PTPRS: variants seen among roughly 807,000 people sequenced by gnomAD.
PTPRS encodes the protein receptor-type tyrosine-protein phosphatase S.
A neutral mutation model predicts 215.3 loss-of-function variants in PTPRS; 63 were observed. The observed-to-expected ratio is 0.29, with a 90% CI of 0.24 to 0.36. PTPRS has a LOEUF of 0.36. PTPRS is among the 10% of genes least tolerant of loss of function. PTPRS has a pLI of 1.00. For synonymous variants in PTPRS, 1,404 were observed against 1,191.4 expected, an observed-to-expected ratio of 1.18 and a Z score of -3.68; for missense variants, 2,258 against 2,825.8, an observed-to-expected ratio of 0.80 and a Z score of 4.56.
At chr19:5,285,290 T>C (rs1261265707) in intron 2 of PTPRS, among the ~76,000 whole-genome samples, 1 of 152,208 alleles carries the variant, frequency 6.6e-6, no homozygotes, top group African/African-American at 2.4e-5. Flanking sequence ...TCATCCCCTA[T>C]GTCCTCATGG....
At chr19:5,250,639 G>A (rs1415230470) in intron 9 of PTPRS, among the ~76,000 whole-genome samples, 1 of 150,064 alleles carries the variant, frequency 6.7e-6, no homozygotes, top group Non-Finnish European at 1.5e-5. Context: ...CTTGGGCGAG[G>A]GGGTCGGGAG....
At chr19:5,239,606 A>T (rs2043838248) in intron 12 of PTPRS, among the ~76,000 whole-genome samples, 1 of 151,676 alleles carries the variant, frequency 6.6e-6, no homozygotes. Context: ...AAACACAGAG[A>T]AACAGGGGAG....
chr19:5,338,032 T>C lies in PTPRS; in HGVS notation c.-95+2632A>G, dbSNP rs907021052. 1.3e-5 allele frequency among the ~76,000 whole-genome samples: 2 copies of C among 152,098 alleles called. No individual in the cohort carries two copies. The highest frequency in any genetic ancestry group is 2.1e-4 in the South Asian group (1 of 4,828). ...GAGAGGGGGAAATCGTCCCCGGAGCTGACCTGCCAACCAGTAGCACCCTCC... is the reference window on the plus strand; with the variant it reads ...GAGAGGGGGAAATCGTCCCCGGAGCCGACCTGCCAACCAGTAGCACCCTCC... On this transcript the variant is annotated intron_variant, in intron 1 of 37. Transcript: ENST00000262963. The surrounding 1 kb of genome is among the most constrained non-coding windows in gnomAD (Gnocchi z 4.2).
At chr19:5,278,034 AG>A (rs1477086291) in intron 2 of PTPRS, 1 of 1,198,508 alleles carries the variant, frequency 8.3e-7, no homozygotes, top group African/African-American at 1.5e-5. Flanking sequence ...GATCGCTCAC[AG>A]TGTTTCCTCC....
chr19:5,313,060 G>T (rs745840888), intron 1 of PTPRS, among the ~76,000 whole-genome samples: 1 of 152,158 alleles, frequency 6.6e-6, no homozygotes, highest in Non-Finnish European at 1.5e-5. Context: ...AATAACAGGC[G>T]CACGCCACCA....
chr19:5,273,707 G>A (rs2047115921), intron 3 of PTPRS, 124 bp from the exon 4 acceptor site: 2 of 1,202,870 alleles, frequency 1.7e-6, no homozygotes, highest in East Asian at 5.1e-5. Context: ...GGGGTGACTG[G>A]GAGAATTGCT....
chr19:5,221,979 C>G (rs2042015513), intron 19 of PTPRS, 144 bp downstream of exon 19: 1 of 666,308 alleles, frequency 1.5e-6, no homozygotes, highest in Non-Finnish European at 2.6e-6. Flanking sequence ...CCAGTATTGA[C>G]TAAGCCTCAA....
intron 1 of PTPRS, among the ~76,000 whole-genome samples, chr19:5,327,274 GATC>G (rs1227124757): frequency 1.3e-5 from 2 of 152,198 alleles, no homozygotes; most frequent in Non-Finnish European, 2.9e-5. Context: ...AGAGGGCACT[GATC>G]ATCAAGCTGT....
chr19:5,319,433 T>TTA (rs559619292), intron 1 of PTPRS, among the ~76,000 whole-genome samples: 33 of 145,748 alleles, frequency 2.3e-4, no homozygotes, highest in South Asian at 1.3e-3. Context: ...TTTTTTTTTT[T>TTA]AAAAAGCTAT....
At chr19:5,216,806 G>T in intron 25 of PTPRS, 39 bp from the exon 26 acceptor site, 1 of 1,404,520 alleles carries the variant, frequency 7.1e-7, no homozygotes, top group Non-Finnish European at 9.9e-7. Context: ...AAACATGCAG[G>T]GGGTAGGGGG....
chr19:5,279,402 T>C (rs1206482947), intron 2 of PTPRS, among the ~76,000 whole-genome samples: 1 of 151,940 alleles, frequency 6.6e-6, no homozygotes, highest in East Asian at 1.9e-4. Context: ...AGACAGGGTC[T>C]CACTCTCACC....
At chr19:5,306,843 T>C (rs1481254766) in intron 1 of PTPRS, among the ~76,000 whole-genome samples, 1 of 152,216 alleles carries the variant, frequency 6.6e-6, no homozygotes, top group Non-Finnish European at 1.5e-5. Context: ...CAATTGGCTA[T>C]TATCTTCCGA....
chr19:5,241,075 A>G (rs1043852239), intron 11 of PTPRS, among the ~76,000 whole-genome samples: 1 of 150,970 alleles, frequency 6.6e-6, no homozygotes, highest in African/African-American at 2.4e-5. Context: ...TTTTTAGTAG[A>G]GACGGGATTT....
intron 23 of PTPRS, 90 bp downstream of exon 23, chr19:5,219,220 T>G: frequency 6.6e-7 from 1 of 1,525,432 alleles, no homozygotes; most frequent in South Asian, 1.2e-5. Flanking sequence ...ACAGAGACCT[T>G]TAGTGATGAT....
At chr19:5,301,746 C>A (rs1043043849) in intron 1 of PTPRS, among the ~76,000 whole-genome samples, 1 of 151,958 alleles carries the variant, frequency 6.6e-6, no homozygotes, top group Non-Finnish European at 1.5e-5. Context: ...CCCAATCCTC[C>A]CCTCCTTGCT....
chr19:5,336,499 T>C (rs1176182872), intron 1 of PTPRS, among the ~76,000 whole-genome samples: 1 of 152,040 alleles, frequency 6.6e-6, no homozygotes, highest in Non-Finnish European at 1.5e-5. Flanking sequence ...CTCAATCCCC[T>C]TCCAGCATCC....
intron 1 of PTPRS, among the ~76,000 whole-genome samples, chr19:5,333,912 C>A (rs775443699): frequency 6.6e-6 from 1 of 152,206 alleles, no homozygotes; most frequent in African/African-American, 2.4e-5. Flanking sequence ...GCTTGTCAAC[C>A]GATCACTTTC....
chr19:5,215,822 C>T (rs552621194), intron 26 of PTPRS, among the ~76,000 whole-genome samples: 2 of 152,206 alleles, frequency 1.3e-5, no homozygotes, highest in East Asian at 1.9e-4. Context: ...CCCTCTGCTC[C>T]GTGCAGAGGC....
chr19:5,271,762 T>C (rs1414981524), intron 4 of PTPRS, among the ~76,000 whole-genome samples: 1 of 151,812 alleles, frequency 6.6e-6, no homozygotes, highest in Non-Finnish European at 1.5e-5. Flanking sequence ...TTCGCTCTTG[T>C]CGCCCAGGCT....
Sources: gnomAD v4.1 joint callset for allele counts (sites outside exome capture counted in the v4.1 genomes callset) on GRCh38, gnomAD v4.1.1 for gene constraint, Gnocchi (gnomAD v3.1) non-coding constraint, MANE v1.5 for transcripts, NCBI Gene and HGNC (gene_info 2026-07-23, HGNC 2026-07-21) for gene names.